Variants in SIPA1L2 observed in about 807,000 individuals in gnomAD.
The protein encoded by SIPA1L2 is signal induced proliferation associated 1 like 2, also known as signal-induced proliferation-associated 1-like protein 2.
In SIPA1L2, 56 loss-of-function variants were observed where a neutral mutation model predicts 163.9. The ratio of observed to expected loss-of-function variants is 0.34; its 90% CI spans 0.28 to 0.43. The LOEUF (loss-of-function observed/expected upper bound fraction) is 0.43. Ranked by LOEUF, SIPA1L2 falls within the 20% of genes least tolerant of loss-of-function variation. The probability of loss-of-function intolerance (pLI) is 1.00; values close to 1 mark genes in which losing one functional copy is unlikely to be tolerated. For missense variants in SIPA1L2, 1,974 were observed against 2,193.5 expected (o/e 0.90, Z 2.00); for synonymous variants, 877 against 865.7 (o/e 1.01, Z -0.23).
chr1:232,522,610 C>A (rs1307391872), intron 2 of SIPA1L2, among the ~76,000 whole-genome samples: 1 of 151,820 alleles, frequency 6.6e-6, no homozygotes, highest in African/African-American at 2.4e-5. Flanking sequence ...CATGTCCTGG[C>A]ATATGGACCC....
intron 7 of SIPA1L2, among the ~76,000 whole-genome samples, chr1:232,474,403 GC>G (rs1650768328): frequency 6.6e-6 from 1 of 152,120 alleles, no homozygotes; most frequent in Non-Finnish European, 1.5e-5. Context: ...CAATTCCATG[GC>G]AAAAGCATAT....
intron 18 of SIPA1L2, among the ~76,000 whole-genome samples, chr1:232,423,048 ACT>A (rs1572874191): frequency 6.6e-6 from 1 of 152,148 alleles, no homozygotes; most frequent in East Asian, 1.9e-4. Flanking sequence ...GCGGTATGAC[ACT>A]CTGTCGCAAT....
chr1:232,420,838 A>G (rs930179045), intron 18 of SIPA1L2, among the ~76,000 whole-genome samples: 1 of 152,264 alleles, frequency 6.6e-6, no homozygotes. Context: ...CCGTCTCAAA[A>G]AAAAAGAAAG....
At chr1:232,495,164 A>T (rs1487975142) in intron 3 of SIPA1L2, among the ~76,000 whole-genome samples, 1 of 152,246 alleles carries the variant, frequency 6.6e-6, no homozygotes, top group Non-Finnish European at 1.5e-5. Context: ...GACCTTCAAA[A>T]GGCAAATCAT....
chr1:232,528,835 C>T (rs760033858), intron 2 of SIPA1L2, among the ~76,000 whole-genome samples: 4 of 152,178 alleles, frequency 2.6e-5, no homozygotes, highest in Non-Finnish European at 5.9e-5. Flanking sequence ...AACACCACTC[C>T]CAATCGCATT....
chr1:232,513,772 T>G, intron 3 of SIPA1L2, 85 bp downstream of exon 3: 1 of 1,393,294 alleles, frequency 7.2e-7, no homozygotes, highest in Non-Finnish European at 9.7e-7. Context: ...CTGAGGAAGG[T>G]GCTCCAACAC....
rs151150906 is a variant in SIPA1L2 at position 232,463,102 on chromosome 1, T to C, written c.2820+1738A>G. Among the ~76,000 whole-genome samples, 245 of 152,338 alleles carry C rather than the reference T, an allele frequency of 1.6e-3. 1 individual carries two copies. The highest frequency in any genetic ancestry group is 5.1e-3 in the African/African-American group (212 of 41,578). On this transcript the variant is annotated intron_variant, in intron 9 of 22. Coordinates refer to ENST00000674635, the MANE Select transcript of SIPA1L2 (RefSeq NM_020808.5). ...GAAAAAATTAGTAAGTATTTCAAGATGGCAATGGCAGAGCATTCAACCAAG... is the reference window on the plus strand; with the variant it reads ...GAAAAAATTAGTAAGTATTTCAAGACGGCAATGGCAGAGCATTCAACCAAG...
rs1558157641 is a variant in SIPA1L2, at chr1:232,415,642, C to G, written c.4631-17G>C. 1.2e-6 allele frequency: 2 copies of G among 1,613,708 alleles called. No homozygotes were observed. The highest frequency in any genetic ancestry group is 3.3e-5 in the Admixed American group (2 of 59,988). On this transcript the variant is annotated splice_polypyrimidine_tract_variant and intron_variant, in intron 18 of 22. Transcript: ENST00000674635. ...AGAACTCATCTAAACAGAAACAAAA[C>G]CAGAGAGTCAGTCATCAGTCACAGC... is the stretch of plus-strand genomic sequence containing the variant.
At chr1:232,456,037 C>A (rs1408207725) in intron 10 of SIPA1L2, among the ~76,000 whole-genome samples, 6 of 152,046 alleles carry the variant, frequency 3.9e-5, no homozygotes, top group Non-Finnish European at 1.5e-5. Context: ...TATCTGTACA[C>A]CAAACCCCCA....
Position 232,514,177 on chromosome 1 carries a change from T to A in SIPA1L2, c.1163A>T (p.Asn388Ile), listed in dbSNP as rs1377096751. The change falls in exon 3 of 23, where the codon AAC becomes ATC. Residue 388 changes from asparagine (N) to isoleucine (I), a missense_variant. This residue lies in a region of SIPA1L2 where 607 missense variants were observed against 624.0 expected (regional missense o/e 0.97). Transcript: ENST00000674635. ...ESPLGSKEDL[N>I]SKENLDADEG... ...ATCGGCATCCAGGTTCTCTTTGGAG[T>A]TGAGGTCCTCCTTGCTCCCTAAAGG... is the stretch of plus-strand genomic sequence containing the variant. 2 of 1,614,182 alleles carry A rather than the reference T, an allele frequency of 1.2e-6. No individual in the cohort carries two copies. Among genetic ancestry groups the A allele is most frequent in the Non-Finnish European group, 1.7e-6 (2 of 1,180,030 alleles).
intron 3 of SIPA1L2, among the ~76,000 whole-genome samples, chr1:232,498,843 A>G (rs1373634977): frequency 6.6e-6 from 1 of 152,212 alleles, no homozygotes; most frequent in Non-Finnish European, 1.5e-5. Context: ...CCACAACTGC[A>G]AAGTCTCTTT....
At chr1:232,454,593 G>A (rs560679672) in intron 10 of SIPA1L2, among the ~76,000 whole-genome samples, 20 of 152,108 alleles carry the variant, frequency 1.3e-4, no homozygotes, top group Non-Finnish European at 2.8e-4. Flanking sequence ...TATTTCTATG[G>A]GGGGAGAATA....
intron 3 of SIPA1L2, among the ~76,000 whole-genome samples, chr1:232,501,665 A>T (rs1241028522): frequency 6.6e-6 from 1 of 152,148 alleles, no homozygotes; most frequent in Non-Finnish European, 1.5e-5. Flanking sequence ...CACCTGAGAG[A>T]GGGGCAAATA....
intron 3 of SIPA1L2, among the ~76,000 whole-genome samples, chr1:232,501,217 C>G (rs746592111): frequency 1.3e-5 from 2 of 151,876 alleles, no homozygotes; most frequent in Non-Finnish European, 2.9e-5. Context: ...ACCACCACAC[C>G]CGGCTAATGC....
intron 2 of SIPA1L2, among the ~76,000 whole-genome samples, chr1:232,530,506 T>C (rs1371239224): frequency 6.6e-6 from 1 of 152,088 alleles, no homozygotes; most frequent in Non-Finnish European, 1.5e-5. Context: ...CATAAAAGCG[T>C]AGTACAACTA....
At chr1:232,527,545 A>G (rs1667764879) in intron 2 of SIPA1L2, among the ~76,000 whole-genome samples, 1 of 152,112 alleles carries the variant, frequency 6.6e-6, no homozygotes, top group South Asian at 2.1e-4. Context: ...GGAAACTTAA[A>G]CCACTTTTAA....
At chr1:232,470,161 A>G (rs1424788282) in intron 8 of SIPA1L2, among the ~76,000 whole-genome samples, 1 of 152,164 alleles carries the variant, frequency 6.6e-6, no homozygotes, top group African/African-American at 2.4e-5. Flanking sequence ...AATATTATCT[A>G]TTTTAAGCCT....
intron 2 of SIPA1L2, among the ~76,000 whole-genome samples, chr1:232,517,952 C>T (rs111500502): frequency 0.015 from 2,310 of 152,186 alleles, 62 homozygotes; most frequent in African/African-American, 0.053. Context: ...GAGGCTGAAG[C>T]AGGAGGATCC....
At chr1:232,454,579 A>G (rs1383722887) in intron 10 of SIPA1L2, among the ~76,000 whole-genome samples, 1 of 152,200 alleles carries the variant, frequency 6.6e-6, no homozygotes, top group Non-Finnish European at 1.5e-5. Flanking sequence ...ATTTTTGACG[A>G]ATGTATTTCT....
Sources: gnomAD v4.1 joint callset for allele counts (sites outside exome capture counted in the v4.1 genomes callset) on GRCh38, gnomAD v4.1.1 for gene constraint, gnomAD v4.1.1 regional missense constraint, MANE v1.5 for transcripts, NCBI Gene and HGNC (gene_info 2026-07-23, HGNC 2026-07-21) for gene names.